PDE4D: variants seen among roughly 807,000 people sequenced by gnomAD.
PDE4D encodes the protein phosphodiesterase 4D, also known as 3',5'-cyclic-AMP phosphodiesterase 4D.
A neutral mutation model predicts 87.4 loss-of-function variants in PDE4D; 24 were observed. The ratio of observed to expected loss-of-function variants is 0.27; its 90% CI spans 0.20 to 0.39. PDE4D has a LOEUF of 0.39. PDE4D is among the 10% of genes least tolerant of loss of function. The probability of loss-of-function intolerance (pLI) is 1.00; values close to 1 mark genes in which losing one functional copy is unlikely to be tolerated. For missense variants in PDE4D, 714 were observed against 1,041.0 expected (o/e 0.69, Z 4.32); for synonymous variants, 384 against 383.2 (o/e 1.00, Z -0.02).
chr5:59,721,897 G>A (rs561372849), intron 1 of PDE4D, among the ~76,000 whole-genome samples: 183 of 152,180 alleles, frequency 1.2e-3, no homozygotes, highest in African/African-American at 4.1e-3. Flanking sequence ...AATGGGAGTC[G>A]CATATCAGGA....
chr5:59,106,726 C>T (rs1771646463), intron 5 of PDE4D, among the ~76,000 whole-genome samples: 1 of 152,226 alleles, frequency 6.6e-6, no homozygotes, highest in Non-Finnish European at 1.5e-5. Context: ...CGCCATTGCA[C>T]TCCAGCCTGG....
chr5:59,712,419 TATATATA>T (rs1754336770), intron 1 of PDE4D, among the ~76,000 whole-genome samples: 22 of 140,706 alleles, frequency 1.6e-4, no homozygotes, highest in Admixed American at 1.4e-3. Context: ...TATATATATA[TATATATA>T]TATTTAAGTT....
intron 2 of PDE4D, among the ~76,000 whole-genome samples, chr5:60,181,543 C>T (rs562552301): frequency 1.6e-4 from 25 of 152,294 alleles, no homozygotes; most frequent in African/African-American, 5.8e-4. Flanking sequence ...ACATCAAAGA[C>T]ATCTGGTGAG....
chr5:58,989,689 A>G, intron 10 of PDE4D, 66 bp downstream of exon 10: 1 of 977,092 alleles, frequency 1.0e-6, no homozygotes, highest in Admixed American at 3.1e-5. Flanking sequence ...AACCCTTCAG[A>G]TAAAAGTTTA....
At chr5:59,699,823 A>G (rs1752304164) in intron 1 of PDE4D, among the ~76,000 whole-genome samples, 1 of 152,176 alleles carries the variant, frequency 6.6e-6, no homozygotes, top group Non-Finnish European at 1.5e-5. Context: ...AAATCTTATC[A>G]AGGTCAGATT....
intron 1 of PDE4D, among the ~76,000 whole-genome samples, chr5:59,243,448 CTTTTT>C (rs767287011): frequency 2.8e-5 from 2 of 72,302 alleles, no homozygotes; most frequent in African/African-American, 6.2e-5. Context: ...TTAAAATAAC[CTTTTT>C]TTTTTTTTTT....
intron 1 of PDE4D, among the ~76,000 whole-genome samples, chr5:60,219,636 C>G (rs1463446359): frequency 6.6e-6 from 1 of 152,162 alleles, no homozygotes; most frequent in East Asian, 1.9e-4. Flanking sequence ...GCTACCATCT[C>G]CATTGAAATA....
chr5:60,164,961 C>A (rs1782762047), intron 2 of PDE4D, among the ~76,000 whole-genome samples: 1 of 152,146 alleles, frequency 6.6e-6, no homozygotes, highest in Admixed American at 6.5e-5. Flanking sequence ...TAACTGTAGT[C>A]ACCATGCTCA....
At chr5:59,316,474 G>A (rs1326017733) in intron 1 of PDE4D, among the ~76,000 whole-genome samples, 1 of 152,154 alleles carries the variant, frequency 6.6e-6, no homozygotes. Flanking sequence ...TGAAATAAAT[G>A]TATAAAGGAT....
At position 60,348,824 on chromosome 5, in the gene PDE4D, T is replaced by C. The variant is rs373001316; in HGVS notation, c.-90+139118A>G. Among the ~76,000 whole-genome samples, 152 of 152,198 alleles carry C rather than the reference T, an allele frequency of 1.0e-3. 1 individual carries two copies. Among genetic ancestry groups the C allele is most frequent in the African/African-American group, 3.5e-3 (146 of 41,564 alleles). ...CAGTATCCTAACATTAGATAAGGAA[T>C]GGAAAGAAATCCCATATACAAATTT... On this transcript the variant is annotated intron_variant, in intron 1 of 16. Transcript: ENST00000502484.
At chr5:59,461,984 T>TG (rs2153646545) in intron 1 of PDE4D, among the ~76,000 whole-genome samples, 1 of 152,318 alleles carries the variant, frequency 6.6e-6, no homozygotes, top group South Asian at 2.1e-4. Flanking sequence ...TACTGGCCTA[T>TG]GTGACTGGTA....
intron 4 of PDE4D, among the ~76,000 whole-genome samples, chr5:59,184,140 A>G (rs1742344253): frequency 6.6e-6 from 1 of 152,204 alleles, no homozygotes; most frequent in Non-Finnish European, 1.5e-5. Context: ...GTAGATGAGG[A>G]GAGGAAGAAG....
At chr5:60,078,798 T>A (rs896591508) in intron 2 of PDE4D, among the ~76,000 whole-genome samples, 2 of 152,234 alleles carry the variant, frequency 1.3e-5, no homozygotes, top group African/African-American at 4.8e-5. Flanking sequence ...GATGGGCATT[T>A]GGTTTGGTTC....
chr5:59,427,237 G>C (rs534589756), intron 1 of PDE4D, among the ~76,000 whole-genome samples: 43 of 139,428 alleles, frequency 3.1e-4, no homozygotes, highest in African/African-American at 1.0e-3. Flanking sequence ...ATGAATAACA[G>C]AAGCAAAAAT....
intron 1 of PDE4D, among the ~76,000 whole-genome samples, chr5:59,841,657 G>T (rs1743009633): frequency 6.6e-6 from 1 of 151,938 alleles, no homozygotes; most frequent in Non-Finnish European, 1.5e-5. Context: ...AATGAGATGA[G>T]GGCTATGACA....
intron 1 of PDE4D, among the ~76,000 whole-genome samples, chr5:59,766,412 A>T (rs563554181): frequency 1.2e-4 from 19 of 152,334 alleles, no homozygotes; most frequent in Non-Finnish European, 2.2e-4. Context: ...TTTTCCAAAC[A>T]GCACCAGAAA....
intron 5 of PDE4D, among the ~76,000 whole-genome samples, chr5:59,062,553 T>G (rs552794410): frequency 6.6e-6 from 1 of 151,828 alleles, no homozygotes; most frequent in Admixed American, 6.6e-5. Flanking sequence ...CATCGAGGAG[T>G]TTAGGGATAG....
intron 1 of PDE4D, among the ~76,000 whole-genome samples, chr5:59,259,845 T>C (rs770831756): frequency 2.0e-5 from 3 of 151,798 alleles, no homozygotes; most frequent in African/African-American, 7.2e-5. Flanking sequence ...ATTACTCCTA[T>C]TAGTCAGAAA....
intron 1 of PDE4D, among the ~76,000 whole-genome samples, chr5:59,265,057 C>T (rs1762636081): frequency 6.6e-6 from 1 of 152,056 alleles, no homozygotes; most frequent in Non-Finnish European, 1.5e-5. Flanking sequence ...AGGAATGCAC[C>T]TTAGGACTAG....
Sources: gnomAD v4.1 joint callset for allele counts (sites outside exome capture counted in the v4.1 genomes callset) on GRCh38, gnomAD v4.1.1 for gene constraint, MANE v1.5 for transcripts, NCBI Gene and HGNC (gene_info 2026-07-23, HGNC 2026-07-21) for gene names.